The following COL21A1 variants were observed in gnomAD, a reference collection of about 807,000 sequenced individuals.
COL21A1 encodes the protein collagen alpha-1(XXI) chain.
COL21A1 carries 149 observed loss-of-function variants against 137.9 expected under a neutral mutation model. That is an observed-to-expected ratio of 1.08 (90% CI 0.95 to 1.24). The LOEUF (loss-of-function observed/expected upper bound fraction) is 1.24, where lower values mean the gene tolerates loss of function less well. Among genes scored for constraint, COL21A1 ranks in the 50% most tolerant of loss-of-function variants. The pLI is 0.00. For missense variants in COL21A1, 1,167 were observed against 1,158.4 expected (o/e 1.01, Z -0.11); for synonymous variants, 456 against 391.5 (o/e 1.16, Z -1.95).
At chr6:56,314,944 A>C (rs557297583) in intron 1 of COL21A1, among the ~76,000 whole-genome samples, 12 of 152,312 alleles carry the variant, frequency 7.9e-5, no homozygotes, top group African/African-American at 2.4e-4. Context: ...GTAGACAAGA[A>C]TCTCTGGAAC....
intron 1 of COL21A1, among the ~76,000 whole-genome samples, chr6:56,343,359 C>T (rs993297250): frequency 6.6e-6 from 1 of 152,150 alleles, no homozygotes; most frequent in East Asian, 1.9e-4. Context: ...CCTGAGAAGC[C>T]TTCCTAGTCT....
intron 1 of COL21A1, among the ~76,000 whole-genome samples, chr6:56,309,327 C>T (rs770758267): frequency 6.6e-6 from 1 of 152,156 alleles, no homozygotes; most frequent in African/African-American, 2.4e-5. Flanking sequence ...CATGAGCCAC[C>T]GTGCCCGGCC....
intron 1 of COL21A1, among the ~76,000 whole-genome samples, chr6:56,262,468 T>C (rs1763301909): frequency 6.6e-6 from 1 of 152,026 alleles, no homozygotes; most frequent in Non-Finnish European, 1.5e-5. Context: ...AAAAGCATAA[T>C]ACTAGCCCTG....
intron 1 of COL21A1, among the ~76,000 whole-genome samples, chr6:56,196,204 A>G (rs1779014682): frequency 6.6e-6 from 1 of 152,180 alleles, no homozygotes. Context: ...CAAATTAGGC[A>G]TGGAATGAAT....
chr6:56,303,028 T>C (rs1582767062), intron 1 of COL21A1, among the ~76,000 whole-genome samples: 2 of 152,222 alleles, frequency 1.3e-5, no homozygotes, highest in African/African-American at 2.4e-5. Context: ...TTGTCAAAGA[T>C]CAGATAGTTG....
At chr6:56,079,777 G>T (rs1190761157) in intron 17 of COL21A1, among the ~76,000 whole-genome samples, 1 of 151,544 alleles carries the variant, frequency 6.6e-6, no homozygotes, top group South Asian at 2.1e-4. Flanking sequence ...ACATTTCATA[G>T]ATATGTATGT....
intron 1 of COL21A1, among the ~76,000 whole-genome samples, chr6:56,297,200 A>C (rs1764182626): frequency 6.6e-6 from 1 of 152,092 alleles, no homozygotes; most frequent in Admixed American, 6.6e-5. Context: ...ACACAGATTA[A>C]GTTGCCATGC....
chr6:56,204,660 C>G (rs1779640340), intron 1 of COL21A1, among the ~76,000 whole-genome samples: 1 of 152,156 alleles, frequency 6.6e-6, no homozygotes, highest in Non-Finnish European at 1.5e-5. Flanking sequence ...CACAGTGGGT[C>G]CCTGACCCCC....
chr6:56,151,210 A>G (rs1343502417), intron 10 of COL21A1, among the ~76,000 whole-genome samples: 3 of 152,238 alleles, frequency 2.0e-5, no homozygotes, highest in African/African-American at 7.2e-5. Context: ...TGGACGACAG[A>G]GCAAGACTCT....
At chr6:56,157,079 A>AAAG (rs1448812905) in intron 9 of COL21A1, 130 bp from the exon 10 acceptor site, 1 of 631,092 alleles carries the variant, frequency 1.6e-6, no homozygotes, top group Admixed American at 3.1e-5. Flanking sequence ...AAGTAAAAAA[A>AAAG]AAAAGCCATA....
At chr6:56,057,870 A>G (rs1159091229) in intron 29 of COL21A1, 26 bp from the exon 30 acceptor site, 1 of 1,462,680 alleles carries the variant, frequency 6.8e-7, no homozygotes, top group Admixed American at 3.0e-5. Flanking sequence ...GGCAAGACGT[A>G]AACAGAGGAC....
intron 3 of COL21A1, among the ~76,000 whole-genome samples, chr6:56,173,925 G>A (rs574319511): frequency 6.6e-6 from 1 of 152,186 alleles, no homozygotes; most frequent in East Asian, 1.9e-4. Flanking sequence ...CATTCTCCAG[G>A]ACAGACCACA....
chr6:56,091,722 A>C (rs1374415456), intron 17 of COL21A1: 1 of 152,278 alleles, frequency 6.6e-6, no homozygotes, highest in African/African-American at 2.4e-5. Flanking sequence ...AGGATTGAGC[A>C]CCAGGACAAA....
chr6:56,301,402 G>A (rs1032024322), intron 1 of COL21A1, among the ~76,000 whole-genome samples: 1 of 152,144 alleles, frequency 6.6e-6, no homozygotes, highest in Admixed American at 6.5e-5. Context: ...TTCCTCTGGA[G>A]CCTCCAGACA....
chr6:56,147,449 G>T (rs1015471386), intron 10 of COL21A1, among the ~76,000 whole-genome samples: 3 of 150,974 alleles, frequency 2.0e-5, no homozygotes, highest in African/African-American at 7.3e-5. Flanking sequence ...AGCAAATATA[G>T]GTATATGACT....
At chr6:56,123,924 G>T (rs12202183) in intron 16 of COL21A1, 138 bp downstream of exon 16, 1 of 696,092 alleles carries the variant, frequency 1.4e-6, no homozygotes, top group Non-Finnish European at 2.3e-6. Flanking sequence ...TAAATTACAC[G>T]TAAAAAACCT....
chr6:56,262,641 A>G (rs1763305307), intron 1 of COL21A1, among the ~76,000 whole-genome samples: 1 of 152,180 alleles, frequency 6.6e-6, no homozygotes, highest in South Asian at 2.1e-4. Context: ...ATATACTAGT[A>G]TATTTTATAC....
chr6:56,256,555 A>G (rs1173588840), intron 1 of COL21A1, among the ~76,000 whole-genome samples: 1 of 152,204 alleles, frequency 6.6e-6, no homozygotes, highest in Non-Finnish European at 1.5e-5. Flanking sequence ...TATGTGCAGT[A>G]TCGAAAGTAA....
intron 2 of COL21A1, 58 bp from the exon 3 acceptor site, chr6:56,180,187 A>T (rs1654798466): frequency 7.4e-7 from 1 of 1,348,302 alleles, no homozygotes; most frequent in African/African-American, 1.5e-5. Flanking sequence ...AAAAAGGGAG[A>T]GATTTTAAAT....
Sources: gnomAD v4.1 joint callset for allele counts (sites outside exome capture counted in the v4.1 genomes callset) on GRCh38, gnomAD v4.1.1 for gene constraint, MANE v1.5 for transcripts, NCBI Gene and HGNC (gene_info 2026-07-23, HGNC 2026-07-21) for gene names.